UBE2H: variants seen among roughly 807,000 people sequenced by gnomAD.
UBE2H encodes ubiquitin conjugating enzyme E2 H, also known as ubiquitin-conjugating enzyme E2 H.
Under a neutral mutation model 29.0 loss-of-function variants are expected in UBE2H, and 3 were observed. That is an observed-to-expected ratio of 0.10 (90% confidence interval 0.05 to 0.27). UBE2H has a LOEUF of 0.27. UBE2H is among the 10% of genes least tolerant of loss of function. UBE2H has a pLI of 1.00. For synonymous variants in UBE2H, 69 were observed against 82.9 expected (o/e 0.83, Z 0.91); for missense variants, 68 against 228.2 (o/e 0.30, Z 4.52).
chr7:129,949,804 C>T (rs75267855), intron 1 of UBE2H, among the ~76,000 whole-genome samples: 4 of 152,136 alleles, frequency 2.6e-5, no homozygotes, highest in Non-Finnish European at 4.4e-5. Context: ...GGCTGTAAAT[C>T]GTGGTGGTAT....
chr7:129,853,524 T>C (rs929758771), intron 5 of UBE2H, among the ~76,000 whole-genome samples: 1 of 152,240 alleles, frequency 6.6e-6, no homozygotes, highest in Non-Finnish European at 1.5e-5. Context: ...GATAACTTCA[T>C]ACTGATGGCA....
At chr7:129,950,293 T>C (rs1356008149) in intron 1 of UBE2H, among the ~76,000 whole-genome samples, 1 of 152,230 alleles carries the variant, frequency 6.6e-6, no homozygotes, top group East Asian at 1.9e-4. Flanking sequence ...CTGCTTTCTT[T>C]TGTCAGAAAG....
chr7:129,940,584 C>T (rs1030781280), intron 1 of UBE2H, among the ~76,000 whole-genome samples: 6 of 152,216 alleles, frequency 3.9e-5, no homozygotes, highest in Admixed American at 3.9e-4. Flanking sequence ...CAACTATTCA[C>T]ACTGCCTACA....
At chr7:129,861,495 T>C (rs17162136) in intron 3 of UBE2H, among the ~76,000 whole-genome samples, 22,149 of 152,150 alleles carry the variant, frequency 0.15, 1,687 homozygotes, top group Admixed American at 0.2. Flanking sequence ...TTGTCATGTT[T>C]GCAAGATTCT....
intron 2 of UBE2H, among the ~76,000 whole-genome samples, chr7:129,880,233 G>A (rs563116332): frequency 5.9e-5 from 9 of 152,252 alleles, no homozygotes; most frequent in South Asian, 2.1e-4. Flanking sequence ...GGACAAGTGC[G>A]GTGGGGCTCA....
At chr7:129,902,820 A>G in intron 1 of UBE2H, among the ~76,000 whole-genome samples, 1 of 152,296 alleles carries the variant, frequency 6.6e-6, no homozygotes, top group South Asian at 2.1e-4. Flanking sequence ...TATTTACCCT[A>G]CGGGGAAACT....
At chr7:129,848,262 C>T (rs189849532) in intron 5 of UBE2H, among the ~76,000 whole-genome samples, 1 of 152,132 alleles carries the variant, frequency 6.6e-6, no homozygotes, top group Non-Finnish European at 1.5e-5. Context: ...ACTATGTACC[C>T]CATGAATATG....
intron 1 of UBE2H, 43 bp downstream of exon 1, chr7:129,952,460 C>T: frequency 1.2e-6 from 2 of 1,604,006 alleles, no homozygotes; most frequent in Non-Finnish European, 1.7e-6. Flanking sequence ...CATCCCCACA[C>T]CGCCCCCCAC....
In UBE2H at chr7:129,883,617, G is replaced by A. The variant is rs148517542; in HGVS notation, c.54-2646C>T. ...AGCACTGTGGGGAGCCAGGGCAGGCGGATCACTTGAGATCAGGAGTTTGCG... is the reference window on the plus strand; with the variant it reads ...AGCACTGTGGGGAGCCAGGGCAGGCAGATCACTTGAGATCAGGAGTTTGCG... On this transcript the variant is annotated intron_variant, in intron 1 of 6. Coordinates refer to ENST00000355621, the MANE Select transcript of UBE2H (RefSeq NM_003344.4). Among the ~76,000 whole-genome samples the A allele has an allele frequency of 2.6e-3, 391 of 152,334 alleles. 1 individual carries two copies. Among genetic ancestry groups the A allele is most frequent in the African/African-American group, 8.5e-3 (354 of 41,578 alleles).
Position 129,831,354 on chromosome 7 carries a change from T to C in UBE2H, c.*3583A>G, listed in dbSNP as rs781464558. 6.6e-6 allele frequency: 1 copy of C among 152,226 alleles called. No homozygotes were observed. Among genetic ancestry groups the C allele is most frequent in the Non-Finnish European group, 1.5e-5 (1 of 68,036 alleles). The allele number at this position is 152,226 out of a possible 1,614,324, so 9.4% of individuals were successfully genotyped here. A position where few individuals can be genotyped will look rare whatever the true frequency, so the allele number is the denominator to read the frequency against. ...TGAAACAAGGAAGGGCCACATGCCA[T>C]TTAAAATCAAACACTAGTTCCCAGA... On this transcript the variant is annotated 3_prime_UTR_variant, in exon 7 of 7. Coordinates refer to ENST00000355621, the MANE Select transcript of UBE2H (RefSeq NM_003344.4).
chr7:129,932,528 G>C (rs902601723), intron 1 of UBE2H, among the ~76,000 whole-genome samples: 5 of 151,582 alleles, frequency 3.3e-5, no homozygotes, highest in African/African-American at 1.2e-4. Flanking sequence ...TCCAAATGTT[G>C]ACACCATTTC....
At chr7:129,854,060 G>GGTTTTTTTTTTTTTTTTTATTTTT (rs1554430936) in intron 5 of UBE2H, among the ~76,000 whole-genome samples, 25 of 100,276 alleles carry the variant, frequency 2.5e-4, no homozygotes, top group Admixed American at 4.3e-4. Flanking sequence ...TTTAGTGTTA[G>GGTTTTTTTTTTTTTTTTTATTTTT]TTTTTTTTTT....
chr7:129,843,418 G>A (rs1323303223), intron 5 of UBE2H, among the ~76,000 whole-genome samples: 3 of 152,142 alleles, frequency 2.0e-5, no homozygotes, highest in Admixed American at 2.0e-4. Context: ...AATGAGGTAG[G>A]CACCATTTTA....
At chr7:129,878,677 C>T (rs200881086) in intron 3 of UBE2H, among the ~76,000 whole-genome samples, 3 of 108,590 alleles carry the variant, frequency 2.8e-5, no homozygotes, top group Non-Finnish European at 5.8e-5. Context: ...AGTGAGACTC[C>T]GTCTCAAAAA....
intron 3 of UBE2H, among the ~76,000 whole-genome samples, chr7:129,872,845 CAAAAAAAAAAAAAA>C (rs34001143): frequency 2.8e-5 from 2 of 71,992 alleles, no homozygotes; most frequent in Non-Finnish European, 5.0e-5. Context: ...CACTCCGTCT[CAAAAAAAAAAAAAA>C]AAAAAAAAAA....
At chr7:129,894,214 G>A (rs1356999791) in intron 1 of UBE2H, among the ~76,000 whole-genome samples, 1 of 152,224 alleles carries the variant, frequency 6.6e-6, no homozygotes, top group African/African-American at 2.4e-5. Context: ...AACATTTTAG[G>A]AGGTGAAAGC....
chr7:129,935,177 C>T (rs1200027130), intron 1 of UBE2H, among the ~76,000 whole-genome samples: 2 of 151,264 alleles, frequency 1.3e-5, no homozygotes, highest in Admixed American at 6.6e-5. Flanking sequence ...GTAATCCCAC[C>T]ATTATGGGAG....
chr7:129,932,063 C>A (rs557396495), intron 1 of UBE2H, among the ~76,000 whole-genome samples: 1 of 151,280 alleles, frequency 6.6e-6, no homozygotes, highest in African/African-American at 2.4e-5. Flanking sequence ...ACCACGTGAT[C>A]CGCCTGCCTC....
intron 1 of UBE2H, 122 bp from the exon 2 acceptor site, chr7:129,881,093 A>G: frequency 1.4e-6 from 1 of 692,492 alleles, no homozygotes; most frequent in Non-Finnish European, 2.4e-6. Context: ...GATAAAATAT[A>G]CATAATAATT....
Sources: gnomAD v4.1 joint callset for allele counts (sites outside exome capture counted in the v4.1 genomes callset) on GRCh38, gnomAD v4.1.1 for gene constraint, MANE v1.5 for transcripts, NCBI Gene and HGNC (gene_info 2026-07-23, HGNC 2026-07-21) for gene names.